The following DACH1 variants were observed in gnomAD, a reference collection of about 807,000 sequenced individuals.
DACH1 encodes the protein dachshund family transcription factor 1.
A neutral mutation model predicts 54.2 loss-of-function variants in DACH1; 12 were observed. The observed-to-expected ratio is 0.22, with a 90% CI of 0.14 to 0.36. The LOEUF is 0.36. Ranked by LOEUF, DACH1 falls within the 10% of genes least tolerant of loss-of-function variation. The probability of loss-of-function intolerance (pLI) is 1.00; values close to 1 mark genes in which losing one functional copy is unlikely to be tolerated. For synonymous variants in DACH1, 386 were observed against 366.2 expected (o/e 1.05, Z -0.62); for missense variants, 805 against 929.8 (o/e 0.87, Z 1.75).
At chr13:71,799,643 C>A (rs1887208341) in intron 1 of DACH1, among the ~76,000 whole-genome samples, 1 of 152,114 alleles carries the variant, frequency 6.6e-6, no homozygotes. Flanking sequence ...GGCACCCTGA[C>A]TGGCATTTCT....
intron 1 of DACH1, among the ~76,000 whole-genome samples, chr13:71,782,817 G>T (rs768485917): frequency 3.9e-5 from 6 of 152,042 alleles, no homozygotes; most frequent in Non-Finnish European, 7.4e-5. Context: ...GTAGTAATAG[G>T]TATTATTGCA....
chr13:71,739,697 G>C (rs981373550), intron 1 of DACH1, among the ~76,000 whole-genome samples: 1 of 152,132 alleles, frequency 6.6e-6, no homozygotes, highest in Non-Finnish European at 1.5e-5. Flanking sequence ...TTTTGCAGCT[G>C]TTACTTGACT....
chr13:71,505,973 C>T (rs1460455084), intron 6 of DACH1, among the ~76,000 whole-genome samples: 1 of 151,956 alleles, frequency 6.6e-6, no homozygotes, highest in Non-Finnish European at 1.5e-5. Context: ...GCAAACAAAA[C>T]ATGCAGATTT....
At chr13:71,525,691 T>C (rs1287098363) in intron 6 of DACH1, among the ~76,000 whole-genome samples, 1 of 152,132 alleles carries the variant, frequency 6.6e-6, no homozygotes, top group Non-Finnish European at 1.5e-5. Flanking sequence ...TACTTTAGCT[T>C]TTAGATTTGT....
In DACH1 at chr13:71,535,213, A is replaced by G. The variant is rs902003411; in HGVS notation, c.1570+21811T>C. ...CAATTTATAATGTATAATACTGATT[A>G]AGGTTTGGTATTAGAAAAACCTTAA... On this transcript the variant is annotated intron_variant, in intron 6 of 10. Transcript: ENST00000613252. Among the ~76,000 whole-genome samples, 6 of 151,978 alleles carry G rather than the reference A, an allele frequency of 3.9e-5. No homozygotes were observed. In the East Asian group the frequency reaches 1.2e-3, roughly 29 times the overall value.
chr13:71,507,256 T>C lies in DACH1; in HGVS notation c.1571-18108A>G, dbSNP rs1030983509. Among the ~76,000 whole-genome samples the C allele has an allele frequency of 5.3e-5, 8 of 152,294 alleles. No homozygotes were observed. The East Asian group carries it at 5.8e-4, about 11-fold the overall frequency. ...TTTAAGCTGGGAATCCTCATAAATA[T>C]AGTATTCTCTGTTGTTTATCTTATA... On this transcript the variant is annotated intron_variant, in intron 6 of 10. Coordinates refer to ENST00000613252, the MANE Select transcript of DACH1 (RefSeq NM_080759.6).
rs5804583 is a variant in DACH1 at position 71,763,535 on chromosome 13, A to ATT, written c.849-81627_849-81626dup. 2.3e-3 allele frequency among the ~76,000 whole-genome samples: 342 copies of ATT among 149,252 alleles called. 2 individuals are homozygous for ATT. The highest frequency in any genetic ancestry group is 9.3e-3 in the East Asian group (47 of 5,070). On this transcript the variant is annotated intron_variant, in intron 1 of 10. Coordinates refer to ENST00000613252, the MANE Select transcript of DACH1 (RefSeq NM_080759.6). ...AATATCTTATCAAAGCTCTTCCCTGATTTTTTTTTTTGAGATGGTATCTTG... is the reference window on the plus strand; with the variant it reads ...AATATCTTATCAAAGCTCTTCCCTGATTTTTTTTTTTTTGAGATGGTATCTTG...
intron 1 of DACH1, among the ~76,000 whole-genome samples, chr13:71,855,664 G>A (rs1873955738): frequency 6.6e-6 from 1 of 151,938 alleles, no homozygotes; most frequent in Admixed American, 6.6e-5. Flanking sequence ...CAGTTTATCA[G>A]TGACCACCTT....
intron 2 of DACH1, among the ~76,000 whole-genome samples, chr13:71,633,410 T>C (rs1417337105): frequency 1.3e-5 from 2 of 152,202 alleles, no homozygotes; most frequent in African/African-American, 4.8e-5. Flanking sequence ...ATCTGTGGCC[T>C]GACACAGCCC....
intron 1 of DACH1, among the ~76,000 whole-genome samples, chr13:71,684,368 C>T (rs1881053777): frequency 1.3e-5 from 2 of 152,098 alleles, no homozygotes; most frequent in Admixed American, 1.3e-4. Context: ...AATATTTGGT[C>T]CCTGACGGCT....
intron 1 of DACH1, among the ~76,000 whole-genome samples, chr13:71,752,364 T>C (rs556621479): frequency 6.6e-6 from 1 of 152,282 alleles, no homozygotes; most frequent in East Asian, 1.9e-4. Context: ...GTAGCCATAA[T>C]TTTTCCATTA....
chr13:71,495,607 G>C (rs1424426314), intron 6 of DACH1, among the ~76,000 whole-genome samples: 1 of 151,768 alleles, frequency 6.6e-6, no homozygotes, highest in African/African-American at 2.4e-5. Context: ...AGGCACTCTC[G>C]GCTTAATTTA....
intron 2 of DACH1, among the ~76,000 whole-genome samples, chr13:71,672,413 T>C (rs530352070): frequency 1.3e-5 from 2 of 152,266 alleles, no homozygotes; most frequent in African/African-American, 2.4e-5. Flanking sequence ...AACCCTTTCA[T>C]AGCAATTTTA....
intron 2 of DACH1, among the ~76,000 whole-genome samples, chr13:71,646,913 T>G (rs1021538280): frequency 2.6e-5 from 4 of 152,186 alleles, no homozygotes; most frequent in African/African-American, 9.7e-5. Flanking sequence ...GCAAAGAATG[T>G]GTGCCATTAC....
intron 1 of DACH1, among the ~76,000 whole-genome samples, chr13:71,744,282 A>G (rs1456490860): frequency 2.0e-5 from 3 of 152,220 alleles, no homozygotes; most frequent in African/African-American, 7.2e-5. Flanking sequence ...GTTTACAAGA[A>G]AAGAAGTACA....
At chr13:71,547,955 C>G (rs1452939044) in intron 6 of DACH1, among the ~76,000 whole-genome samples, 1 of 152,112 alleles carries the variant, frequency 6.6e-6, no homozygotes, top group Non-Finnish European at 1.5e-5. Context: ...ACCTATAATA[C>G]AGCATTTAAT....
intron 2 of DACH1, among the ~76,000 whole-genome samples, chr13:71,681,511 C>G (rs1050284976): frequency 6.6e-6 from 1 of 152,062 alleles, no homozygotes; most frequent in Non-Finnish European, 1.5e-5. Flanking sequence ...ACTTTGATTC[C>G]TTAATAAGAA....
intron 1 of DACH1, among the ~76,000 whole-genome samples, chr13:71,840,552 A>AT (rs984861033): frequency 1.2e-4 from 18 of 151,624 alleles, no homozygotes; most frequent in East Asian, 1.9e-4. Flanking sequence ...GAAAAATAAC[A>AT]TTTTTTTTCA....
chr13:71,493,116 G>T (rs966653834), intron 6 of DACH1, among the ~76,000 whole-genome samples: 6 of 151,288 alleles, frequency 4.0e-5, no homozygotes, highest in Non-Finnish European at 8.8e-5. Flanking sequence ...GTCACACCCT[G>T]TCTGGTCCTT....
Sources: allele counts gnomAD v4.1 joint callset (sites outside exome capture counted in the v4.1 genomes callset), GRCh38; gene constraint gnomAD v4.1.1; transcripts MANE v1.5; gene names NCBI Gene and HGNC (gene_info 2026-07-23, HGNC 2026-07-21).